TMX2: variants seen among roughly 807,000 people sequenced by gnomAD.
The protein encoded by TMX2 is thioredoxin-related transmembrane protein 2.
TMX2 carries 20 observed loss-of-function variants against 33.4 expected under a neutral mutation model. The observed-to-expected ratio is 0.60, with a 90% CI of 0.42 to 0.87. The LOEUF is 0.87. TMX2 is among the 40% of genes least tolerant of loss of function. TMX2 has a pLI of 0.00. For missense variants in TMX2, 340 were observed against 370.7 expected (o/e 0.92, Z 0.68); for synonymous variants, 166 against 140.7 (o/e 1.18, Z -1.27).
intron 1 of TMX2, among the ~76,000 whole-genome samples, chr11:57,733,547 G>A (rs577400533): frequency 2.0e-5 from 3 of 151,784 alleles, no homozygotes; most frequent in African/African-American, 7.3e-5. Flanking sequence ...GTGAGTCACC[G>A]CGCCCAGCCT....
chr11:57,714,864 G>T (rs1946876146), intron 1 of TMX2, among the ~76,000 whole-genome samples: 2 of 152,014 alleles, frequency 1.3e-5, no homozygotes, highest in Non-Finnish European at 2.9e-5. Context: ...AAGGAGCTGG[G>T]ATTTACAGGT....
intron 1 of TMX2, among the ~76,000 whole-genome samples, chr11:57,724,490 G>C (rs928908215): frequency 2.0e-5 from 3 of 151,910 alleles, no homozygotes; most frequent in African/African-American, 7.3e-5. Flanking sequence ...CCCTCCTACA[G>C]AATCATAGGT....
intron 2 of TMX2, 91 bp downstream of exon 2, chr11:57,737,759 T>C (rs768579374): frequency 1.3e-6 from 2 of 1,570,310 alleles, no homozygotes; most frequent in Non-Finnish European, 1.8e-6. Flanking sequence ...AATCATTTGG[T>C]AAATTTGTCC....
chr11:57,737,691 A>C (rs1948834853), intron 2 of TMX2, 23 bp downstream of exon 2: 25 of 1,610,472 alleles, frequency 1.6e-5, no homozygotes, highest in Non-Finnish European at 2.0e-5. Flanking sequence ...CACTTCTCAG[A>C]CTCAAGGTTA....
intron 1 of TMX2, among the ~76,000 whole-genome samples, chr11:57,727,121 G>A (rs919820517): frequency 1.3e-5 from 2 of 152,124 alleles, no homozygotes; most frequent in African/African-American, 4.8e-5. Flanking sequence ...CACAGTTAAA[G>A]ACCCGGATCA....
Position 57,738,778 on chromosome 11 carries a change from G to T in TMX2, c.548+8G>T. ...TGCTGACCTCTCCCTTAAGTGAGTA[G>T]TGCAAAGGGAGGGATGGTGGAAATG... On this transcript the variant is annotated splice_region_variant and intron_variant, in intron 5 of 7. Coordinates refer to ENST00000278422, the MANE Select transcript of TMX2 (RefSeq NM_015959.4). The T allele has an allele frequency of 6.2e-7, 1 of 1,608,078 alleles. No individual in the cohort carries two copies. Among genetic ancestry groups the T allele is most frequent in the Non-Finnish European group, 8.5e-7 (1 of 1,174,498 alleles).
At chr11:57,728,404 A>G (rs1010037420) in intron 1 of TMX2, among the ~76,000 whole-genome samples, 4 of 152,136 alleles carry the variant, frequency 2.6e-5, no homozygotes, top group Non-Finnish European at 4.4e-5. Flanking sequence ...ATGGCTCCCA[A>G]CGTTGGCCTC....
chr11:57,737,778 A>T, intron 2 of TMX2, 110 bp downstream of exon 2: 1 of 1,588,098 alleles, frequency 6.3e-7, no homozygotes, highest in Non-Finnish European at 8.6e-7. Context: ...CCTACGTTTA[A>T]TTCCAAGGCT....
intron 1 of TMX2, among the ~76,000 whole-genome samples, chr11:57,725,408 A>G (rs1250912724): frequency 1.3e-5 from 2 of 152,118 alleles, no homozygotes; most frequent in Non-Finnish European, 2.9e-5. Context: ...GCCAGGGCAC[A>G]TGAGGTTATA....
intron 1 of TMX2, among the ~76,000 whole-genome samples, chr11:57,722,869 T>G (rs1010396633): frequency 6.6e-6 from 1 of 152,206 alleles, no homozygotes; most frequent in African/African-American, 2.4e-5. Context: ...TCCCAGCACT[T>G]TGGGAGGCTG....
chr11:57,740,015 C>T, intron 7 of TMX2, 84 bp from the exon 8 acceptor site: 3 of 1,588,772 alleles, frequency 1.9e-6, no homozygotes, highest in Non-Finnish European at 2.6e-6. Flanking sequence ...CTTTCCCAGA[C>T]TTTGTGTAAA....
At chr11:57,727,833 T>A (rs1391287746) in intron 1 of TMX2, among the ~76,000 whole-genome samples, 2 of 152,226 alleles carry the variant, frequency 1.3e-5, no homozygotes, top group Non-Finnish European at 2.9e-5. Context: ...GAGAGCTTCC[T>A]CTGCACAATA....
rs527857376 is a variant in TMX2 at position 57,730,324 on chromosome 11, G to T, written c.190-7284G>T. On this transcript the variant is annotated intron_variant, in intron 1 of 7. Transcript: ENST00000278422. ...CGCCTATAATCCCAGGTACTTGGGAGGCTGAGGCAGGAGAATCGCTTGAAC... is the reference window on the plus strand; with the variant it reads ...CGCCTATAATCCCAGGTACTTGGGATGCTGAGGCAGGAGAATCGCTTGAAC... 6.0e-4 allele frequency among the ~76,000 whole-genome samples: 89 copies of T among 149,064 alleles called. 1 individual carries two copies. Among genetic ancestry groups the T allele is most frequent in the African/African-American group, 2.0e-3 (83 of 40,576 alleles).
chr11:57,727,841 A>T (rs1026046767), intron 1 of TMX2, among the ~76,000 whole-genome samples: 3 of 152,210 alleles, frequency 2.0e-5, no homozygotes, highest in Non-Finnish European at 4.4e-5. Flanking sequence ...CCTCTGCACA[A>T]TAAAACTTGG....
intron 1 of TMX2, among the ~76,000 whole-genome samples, chr11:57,714,169 T>G (rs1008935861): frequency 7.2e-5 from 11 of 152,146 alleles, no homozygotes; most frequent in Non-Finnish European, 1.5e-4. Context: ...ATAAGCTGAG[T>G]TGGTGTCTGT....
At position 57,739,027 on chromosome 11, in the gene TMX2, A is replaced by T. The variant is rs1220700546; in HGVS notation, c.602A>T (p.Asp201Val). 6.2e-7 allele frequency: 1 copy of T among 1,614,080 alleles called. No homozygotes were observed. Among genetic ancestry groups the T allele is most frequent in the Non-Finnish European group, 8.5e-7 (1 of 1,180,032 alleles). Residue 201 changes from aspartate (D) to valine (V), a missense_variant, in exon 6 of 8, where the codon GAT (aspartate) becomes GTT (valine). Around this residue, in one of 3 missense-constraint regions of TMX2, gnomAD observed 209 missense variants for 241.6 expected, o/e 0.87. Transcript: ENST00000278422. ...AAGGTGGATGTTGGACGCTATACTG[A>T]TGTTAGTACGCGGTATGTAAAGACC... ...FGKVDVGRYT[D>V]VSTRYKVSTS...
intron 1 of TMX2, among the ~76,000 whole-genome samples, chr11:57,720,134 C>CAAAAAAAAAA (rs59914635): frequency 1.6e-5 from 2 of 128,102 alleles, no homozygotes; most frequent in Non-Finnish European, 1.6e-5. Context: ...ACTAAAAATA[C>CAAAAAAAAAA]AAAAAAAAAA....
intron 1 of TMX2, among the ~76,000 whole-genome samples, chr11:57,715,854 C>A (rs922365268): frequency 4.0e-5 from 6 of 151,494 alleles, no homozygotes; most frequent in Non-Finnish European, 8.9e-5. Context: ...ATCCATTTAA[C>A]CCTGAGTGGA....
rs145634348 is a variant in TMX2 at position 57,712,775 on chromosome 11, C to T, written c.157C>T (p.Arg53Cys). The T allele has an allele frequency of 1.1e-5, 18 of 1,614,172 alleles. No homozygotes were observed. The highest frequency in any genetic ancestry group is 3.3e-5 in the Admixed American group (2 of 60,022). Reference sequence around the variant, plus strand: ...GCTCTGCCACGGTCTGCCCACCCAACGCGAAGACGGTAACCCGTGTGACTT... The same window carrying T: ...GCTCTGCCACGGTCTGCCCACCCAATGCGAAGACGGTAACCCGTGTGACTT... ...PPLCHGLPTQ[R>C]EDGNPCDFDW... Residue 53 changes from arginine to cysteine, a missense_variant, in exon 1 of 8, where the codon CGC (arginine) becomes TGC (cysteine). Transcript: ENST00000278422.
Sources: gnomAD v4.1 joint callset for allele counts (sites outside exome capture counted in the v4.1 genomes callset) on GRCh38, gnomAD v4.1.1 for gene constraint, gnomAD v4.1.1 regional missense constraint, MANE v1.5 for transcripts, NCBI Gene and HGNC (gene_info 2026-07-23, HGNC 2026-07-21) for gene names.